The following GSDME variants were observed in gnomAD, a reference collection of about 807,000 sequenced individuals.
The protein encoded by GSDME is gasdermin-E.
GSDME carries 44 observed loss-of-function variants against 47.5 expected under a neutral mutation model. The observed-to-expected ratio is 0.93, with a 90% CI of 0.73 to 1.19. The LOEUF (loss-of-function observed/expected upper bound fraction) is 1.19, where lower values mean the gene tolerates loss of function less well. Ranked by LOEUF, GSDME falls within the 50% of genes most tolerant of loss-of-function variation. The probability of loss-of-function intolerance (pLI) is 0.00; values close to 1 mark genes in which losing one functional copy is unlikely to be tolerated. For missense variants in GSDME, 663 were observed against 604.2 expected, an observed-to-expected ratio of 1.10 and a Z score of -1.02; for synonymous variants, 258 against 252.8, an observed-to-expected ratio of 1.02 and a Z score of -0.20.
rs753242423 is a variant in GSDME, at chr7:24,699,238, C to CATCA, written c.1275_1278dup (p.Gly427Ter). On this transcript the variant is annotated stop_gained and frameshift_variant, in exon 10 of 10. Coordinates refer to ENST00000645220, the MANE Select transcript of GSDME (RefSeq NM_001127453.2). LOFTEE classifies it low-confidence loss of function (END_TRUNC). ...GTTGGGTCTTCAAGATCAGATACTC[C>CATCA]ATCATCAGACAGAGCACGAAGCTGA... 5.6e-6 allele frequency: 9 copies of CATCA among 1,612,394 alleles called. No homozygotes were observed. Among genetic ancestry groups the CATCA allele is most frequent in the Non-Finnish European group, 5.1e-6 (6 of 1,179,268 alleles).
At chr7:24,738,254 G>A (rs114142225) in intron 3 of GSDME, among the ~76,000 whole-genome samples, 14,948 of 152,020 alleles carry the variant, frequency 0.098, 809 homozygotes, top group Admixed American at 0.12. Flanking sequence ...AACTATTAAA[G>A]CCAATAAACA....
At position 24,732,555 on chromosome 7, in the gene GSDME, T is replaced by C. The variant is rs183943046; in HGVS notation, c.404+12007A>G. Among the ~76,000 whole-genome samples the C allele has an allele frequency of 7.2e-5, 11 of 152,148 alleles. No individual in the cohort carries two copies. The highest frequency in any genetic ancestry group is 1.6e-4 in the Non-Finnish European group (11 of 68,028). On this transcript the variant is annotated intron_variant, in intron 3 of 9. Coordinates refer to ENST00000645220, the MANE Select transcript of GSDME (RefSeq NM_001127453.2). The surrounding 1 kb of genome is among the most constrained non-coding windows in gnomAD (Gnocchi z 4.8). ...AGAGGGTAGGAAAGGCAGTCTTGAA[T>C]TGCCAACACCACCCCTCCCCTATCT...
chr7:24,761,602 A>G (rs1055790031), upstream of GSDME, among the ~76,000 whole-genome samples: 1 of 152,230 alleles, frequency 6.6e-6, no homozygotes, highest in Admixed American at 6.5e-5. The surrounding 1 kb of genome is among the most constrained non-coding windows in gnomAD (Gnocchi z 4.4). Flanking sequence ...CTTTGGGGGA[A>G]CACAAACATT....
At chr7:24,759,418 CTT>C (rs1791130791), upstream of GSDME, among the ~76,000 whole-genome samples, 1 of 151,910 alleles carries the variant, frequency 6.6e-6, no homozygotes, top group South Asian at 2.1e-4. Flanking sequence ...CCTGCCTAGT[CTT>C]TTAATTAAAT....
Position 24,701,162 on chromosome 7 carries a change from G to A in GSDME, c.1257+1598C>T, listed in dbSNP as rs575248330. On this transcript the variant is annotated intron_variant, in intron 9 of 9. Coordinates refer to ENST00000645220, the MANE Select transcript of GSDME (RefSeq NM_001127453.2). Reference sequence around the variant, plus strand: ...TGCCGTTTTAAGTAAATCCCTTAAAGAAACATGACGCTCAAATTCCTTCAG... The same window carrying A: ...TGCCGTTTTAAGTAAATCCCTTAAAAAAACATGACGCTCAAATTCCTTCAG... Among the ~76,000 whole-genome samples, 5 of 152,260 alleles carry A rather than the reference G, an allele frequency of 3.3e-5. No individual in the cohort carries two copies. In the South Asian group the frequency reaches 1.0e-3, roughly 32 times the overall value.
rs149076526 is a variant in GSDME at position 24,709,739 on chromosome 7, C to A, written c.862+485G>T. ...GCACATCCTGGGCATGGCCCCTCTT[C>A]CTCTTTGGCACCATGCAGTCCATGC... On this transcript the variant is annotated intron_variant, in intron 6 of 9. Coordinates refer to ENST00000645220, the MANE Select transcript of GSDME (RefSeq NM_001127453.2). Among the ~76,000 whole-genome samples the A allele has an allele frequency of 4.4e-4, 67 of 152,356 alleles. 1 individual carries two copies. Among genetic ancestry groups the A allele is most frequent in the Admixed American group, 7.2e-4 (11 of 15,312 alleles).
intron 3 of GSDME, among the ~76,000 whole-genome samples, chr7:24,734,080 TAGAG>T (rs982903704): frequency 1.3e-5 from 2 of 152,284 alleles, no homozygotes; most frequent in East Asian, 3.9e-4. Context: ...CAGCTTAGCA[TAGAG>T]AGAGACTCTG....
chr7:24,779,195 A>G, the GSDME span, among the ~76,000 whole-genome samples: 35 of 152,250 alleles, frequency 2.3e-4, no homozygotes, highest in Non-Finnish European at 4.9e-4. This position sits in a 1 kb window ranked among gnomAD's most constrained non-coding sequence, Gnocchi z 6.0. Context: ...AGAAGCTGAA[A>G]GATATCTAGA....
At chr7:24,792,774 T>A in the GSDME span, among the ~76,000 whole-genome samples, 1 of 140,130 alleles carries the variant, frequency 7.1e-6, no homozygotes, top group Non-Finnish European at 1.6e-5. Flanking sequence ...CAGCGCAAGG[T>A]AGGGTCCTTC....
chr7:24,744,481 G>A lies in GSDME; in HGVS notation c.404+81C>T, dbSNP rs1040187790. 4.3e-5 allele frequency: 62 copies of A among 1,428,596 alleles called. 1 individual carries two copies. The highest frequency in any genetic ancestry group is 1.4e-4 in the South Asian group (12 of 87,136). 88.5% of individuals were successfully genotyped at this position (1,428,596 alleles called of 1,614,324 possible). ...TTGATCGGCAGAGATCAAATCTGTC[G>A]CCCTTTTAACAAAGGTCCAACTGAA... On this transcript the variant is annotated intron_variant, in intron 3 of 9. Transcript: ENST00000645220. The surrounding 1 kb of genome is among the most constrained non-coding windows in gnomAD (Gnocchi z 4.5).
Position 24,717,364 on chromosome 7 carries a change from G to A in GSDME, c.587C>T (p.Thr196Met), listed in dbSNP as rs183361282. 3.5e-5 allele frequency: 57 copies of A among 1,614,100 alleles called. No individual in the cohort carries two copies. In the East Asian group the frequency reaches 6.5e-4, roughly 18 times the overall value. ...IQTKTVQVSA[T>M]EDGNVTKDSN... is the part of the protein sequence containing the mutation. The stretch of plus-strand genomic sequence containing the variant: ...GTCCTTGGTGACATTCCCATCCTCC[G>A]TCGCTGACACCTGTGGGCAAAAGCG... Residue 196 changes from threonine to methionine, a missense_variant, in exon 5 of 10, where the codon ACG becomes ATG. Coordinates refer to ENST00000645220, the MANE Select transcript of GSDME (RefSeq NM_001127453.2).
At chr7:24,748,653 C>G (rs1041976971) in intron 2 of GSDME, among the ~76,000 whole-genome samples, 9 of 152,164 alleles carry the variant, frequency 5.9e-5, no homozygotes, top group African/African-American at 1.9e-4. Flanking sequence ...TGACTGCTCT[C>G]AGCTTCTGAG....
chr7:24,777,612 C>T, the GSDME span, among the ~76,000 whole-genome samples: 22 of 152,116 alleles, frequency 1.4e-4, no homozygotes, highest in Middle Eastern at 3.4e-3. Context: ...CTCACCTAAC[C>T]CCAGATCATT....
rs118110860 is a variant in GSDME at position 24,698,602 on chromosome 7, G to A, written c.*424C>T. 9 of 262,252 alleles carry A rather than the reference G, an allele frequency of 3.4e-5. No individual in the cohort carries two copies. The highest frequency in any genetic ancestry group is 3.0e-4 in the East Asian group (3 of 10,088). The allele number at this position is 262,252 out of a possible 1,614,324, so 16.2% of individuals were successfully genotyped here. On this transcript the variant is annotated 3_prime_UTR_variant, in exon 10 of 10. Coordinates refer to ENST00000645220, the MANE Select transcript of GSDME (RefSeq NM_001127453.2). The stretch of plus-strand genomic sequence containing the variant: ...AAATAACATACATCACTTCCAAAAC[G>A]TAGCCTCTTGTGTGCAGAGAAATTG...
intron 3 of GSDME, among the ~76,000 whole-genome samples, chr7:24,723,215 T>A (rs1428752798): frequency 6.6e-6 from 1 of 152,102 alleles, no homozygotes; most frequent in Non-Finnish European, 1.5e-5. Context: ...AAGCTACACA[T>A]CAGGGAAAAT....
At chr7:24,706,559 C>T (rs965949219) in intron 7 of GSDME, among the ~76,000 whole-genome samples, 183 bp from the exon 8 acceptor site, 2 of 152,242 alleles carry the variant, frequency 1.3e-5, no homozygotes, top group African/African-American at 2.4e-5. Flanking sequence ...ACTGACGGGA[C>T]AGTAAGCTGA....
intron 1 of GSDME, among the ~76,000 whole-genome samples, chr7:24,752,821 C>A (rs909582475): frequency 6.6e-6 from 1 of 152,182 alleles, no homozygotes; most frequent in Non-Finnish European, 1.5e-5. Flanking sequence ...AGTTCACTCA[C>A]GCACTTGCCT....
intron 9 of GSDME, 49 bp from the exon 10 acceptor site, chr7:24,699,308 T>G (rs1330632759): frequency 4.3e-6 from 6 of 1,391,094 alleles, no homozygotes; most frequent in Non-Finnish European, 6.1e-6. Flanking sequence ...TCCTAAAAAA[T>G]CCACATTGGA....
chr7:24,759,200 T>C (rs1336185759), upstream of GSDME, among the ~76,000 whole-genome samples: 1 of 152,204 alleles, frequency 6.6e-6, no homozygotes, highest in East Asian at 1.9e-4. Flanking sequence ...TATACGGTGA[T>C]GATTCTGGCT....
Sources: allele counts gnomAD v4.1 joint callset (sites outside exome capture counted in the v4.1 genomes callset), GRCh38; gene constraint gnomAD v4.1.1; non-coding constraint Gnocchi (gnomAD v3.1); transcripts MANE v1.5; gene names NCBI Gene and HGNC (gene_info 2026-07-23, HGNC 2026-07-21).